DLD: variants seen among roughly 807,000 people sequenced by gnomAD.
The protein encoded by DLD is dihydrolipoyl dehydrogenase, mitochondrial.
Under a neutral mutation model 62.2 loss-of-function variants are expected in DLD, and 36 were observed. The observed-to-expected ratio is 0.58, with a 90% confidence interval of 0.44 to 0.76. DLD has a LOEUF of 0.76. DLD is among the 30% of genes least tolerant of loss of function. The pLI, the probability that DLD is intolerant of heterozygous loss-of-function variation, is 0.00. For missense variants in DLD, 541 were observed against 608.6 expected (o/e 0.89, Z 1.17); for synonymous variants, 204 against 199.6 (o/e 1.02, Z -0.19).
intron 8 of DLD, among the ~76,000 whole-genome samples, chr7:107,908,153 C>CTTTT (rs71134291): frequency 7.3e-6 from 1 of 137,330 alleles, no homozygotes; most frequent in Non-Finnish European, 1.6e-5. Flanking sequence ...TTTTGTTTTT[C>CTTTT]TTTTTTTTTT....
intron 1 of DLD, among the ~76,000 whole-genome samples, chr7:107,892,958 A>T (rs1339028188): frequency 6.6e-6 from 1 of 152,230 alleles, no homozygotes; most frequent in Non-Finnish European, 1.5e-5. Context: ...TAAATATGAG[A>T]TGATTTGTTG....
At chr7:107,903,812 GT>G (rs1369447542) in intron 5 of DLD, 2 of 328,732 alleles carry the variant, frequency 6.1e-6, no homozygotes, top group East Asian at 1.4e-4. Flanking sequence ...TTTTCCTGAG[GT>G]TTGCCTTTAT....
At chr7:107,891,427 A>G in intron 1 of DLD, 138 bp downstream of exon 1, 1 of 956,546 alleles carries the variant, frequency 1.0e-6, no homozygotes, top group Non-Finnish European at 1.6e-6. Context: ...CCGCCTCTGC[A>G]CTGGCTCAGC....
At chr7:107,912,973 G>C (rs1325759382) in intron 8 of DLD, among the ~76,000 whole-genome samples, 1 of 152,060 alleles carries the variant, frequency 6.6e-6, no homozygotes, top group African/African-American at 2.4e-5. Context: ...TTTGACTTTT[G>C]TATATGGTAA....
At chr7:107,914,497 C>T (rs1392715174) in intron 8 of DLD, among the ~76,000 whole-genome samples, 1 of 152,132 alleles carries the variant, frequency 6.6e-6, no homozygotes, top group African/African-American at 2.4e-5. Flanking sequence ...CTGGAAGTTT[C>T]ATAGTATTGG....
At chr7:107,913,731 C>G (rs1584470740) in intron 8 of DLD, among the ~76,000 whole-genome samples, 2 of 152,090 alleles carry the variant, frequency 1.3e-5, no homozygotes, top group Admixed American at 1.3e-4. Flanking sequence ...TTTCTTTCTC[C>G]TCTACAATTG....
chr7:107,915,746 A>G, intron 9 of DLD, 50 bp downstream of exon 9: 1 of 1,532,598 alleles, frequency 6.5e-7, no homozygotes, highest in Non-Finnish European at 9.0e-7. Flanking sequence ...CTCTTTAAGC[A>G]AAACACTCAA....
In DLD at chr7:107,903,495, T is replaced by C. The variant is rs761564212; in HGVS notation, c.285T>C (p.Ser95=). 1.3e-6 allele frequency: 2 copies of C among 1,590,756 alleles called. No homozygotes were observed. Among genetic ancestry groups the C allele is most frequent in the South Asian group, 1.1e-5 (1 of 90,542 alleles). ...CIPSKALLNN[S]HYYHMAHGKD... ...TCCTTTAGGCTTTATTGAACAACTCTCATTATTACCATATGGCCCATGGAA... is the reference window on the plus strand; with the variant it reads ...TCCTTTAGGCTTTATTGAACAACTCCCATTATTACCATATGGCCCATGGAA... Residue 95 remains serine (S), a synonymous_variant, in exon 5 of 14, where the codon TCT becomes TCC. Transcript: ENST00000205402.
intron 2 of DLD, among the ~76,000 whole-genome samples, chr7:107,894,948 T>C (rs73726759): frequency 0.015 from 2,235 of 152,324 alleles, 56 homozygotes; most frequent in African/African-American, 0.05. Context: ...GTGACTGTTT[T>C]GTTTAGTATC....
intron 1 of DLD, 101 bp downstream of exon 1, chr7:107,891,390 G>T: frequency 7.4e-7 from 1 of 1,345,612 alleles, no homozygotes; most frequent in South Asian, 1.2e-5. Flanking sequence ...GGCGGAGGCG[G>T]GCGCCTGGGC....
chr7:107,916,644 T>C, intron 9 of DLD, 150 bp from the exon 10 acceptor site: 1 of 792,462 alleles, frequency 1.3e-6, no homozygotes, highest in South Asian at 1.6e-5. Context: ...TGTACTCCAG[T>C]CTGGCGACAG....
At position 107,920,381 on chromosome 7, in the gene DLD, A is replaced by T. The variant is rs1038410210; in HGVS notation, c.*1122A>T. 6.6e-6 allele frequency: 1 copy of T among 152,310 alleles called. No homozygotes were observed. The highest frequency in any genetic ancestry group is 1.5e-5 in the Non-Finnish European group (1 of 68,040). 9.4% of individuals were successfully genotyped at this position (152,310 alleles called of 1,614,324 possible). On this transcript the variant is annotated 3_prime_UTR_variant, in exon 14 of 14. Transcript: ENST00000205402. ...TAAGTAGTTCTGAAATTTGGTATAG[A>T]TAGCATAGATTGTCTCATGCTCATG...
chr7:107,904,969 C>G lies in DLD; in HGVS notation c.349C>G (p.Arg117Gly). 6.2e-7 allele frequency: 1 copy of G among 1,612,060 alleles called. No homozygotes were observed. Among genetic ancestry groups the G allele is most frequent in the Non-Finnish European group, 8.5e-7 (1 of 1,178,690 alleles). Residue 117 changes from arginine (R) to glycine (G), a missense_variant, in exon 6 of 14, where the codon CGC becomes GGC. Physicochemically the swap from Arg to Gly is moderately radical, Grantham distance 125. Transcript: ENST00000205402. ...ASRGIEMSEV[R>G]LNLDKMMEQK... Reference sequence around the variant, plus strand: ...TGAACAAATTACAGTGTCCGAAGTTCGCTTGAATTTAGACAAGATGATGGA... The same window carrying G: ...TGAACAAATTACAGTGTCCGAAGTTGGCTTGAATTTAGACAAGATGATGGA...
chr7:107,917,621 A>T, intron 11 of DLD, among the ~76,000 whole-genome samples, 159 bp downstream of exon 11: 1 of 152,224 alleles, frequency 6.6e-6, no homozygotes, highest in East Asian at 1.9e-4. Context: ...TAAAGAGATC[A>T]TTCACAGATT....
Position 107,894,260 on chromosome 7 carries a change from G to A in DLD, c.118+982G>A, listed in dbSNP as rs569813057. Among the ~76,000 whole-genome samples, 3 of 152,316 alleles carry A rather than the reference G, an allele frequency of 2.0e-5. No individual in the cohort carries two copies. In the South Asian group the frequency reaches 6.2e-4, roughly 32 times the overall value. On this transcript the variant is annotated intron_variant, in intron 2 of 13. Coordinates refer to ENST00000205402, the MANE Select transcript of DLD (RefSeq NM_000108.5). ...CTGAATTCACCCATATGGATTATAA[G>A]TAACATTGGATGTCTTAAAGCTTCA...
intron 10 of DLD, 84 bp downstream of exon 10, chr7:107,917,048 A>G: frequency 1.4e-6 from 2 of 1,398,990 alleles, no homozygotes; most frequent in South Asian, 2.4e-5. Flanking sequence ...TTTATGCTTA[A>G]AATATGTATT....
chr7:107,901,242 TTAA>T (rs1405575276), intron 2 of DLD, among the ~76,000 whole-genome samples: 1 of 152,156 alleles, frequency 6.6e-6, no homozygotes, highest in Non-Finnish European at 1.5e-5. Flanking sequence ...ATTATCTTAT[TTAA>T]TTCTAACATC....
chr7:107,902,248 A>T, intron 3 of DLD, 77 bp from the exon 4 acceptor site: 2 of 1,250,292 alleles, frequency 1.6e-6, no homozygotes, highest in Non-Finnish European at 2.3e-6. Flanking sequence ...TAGAAGAATT[A>T]AGACATATAT....
chr7:107,905,633 T>C (rs1184375370), intron 7 of DLD, 129 bp downstream of exon 7: 2 of 1,018,660 alleles, frequency 2.0e-6, no homozygotes, highest in African/African-American at 3.2e-5. Flanking sequence ...GTCATTCAGC[T>C]TTGGGAAGTT....
Sources: gnomAD v4.1 joint callset for allele counts (sites outside exome capture counted in the v4.1 genomes callset) on GRCh38, gnomAD v4.1.1 for gene constraint, MANE v1.5 for transcripts, NCBI Gene and HGNC (gene_info 2026-07-23, HGNC 2026-07-21) for gene names.